COP1: variants seen among roughly 807,000 people sequenced by gnomAD.
The protein encoded by COP1 is COP1 E3 ubiquitin ligase, also known as E3 ubiquitin-protein ligase COP1.
A neutral mutation model predicts 101.3 loss-of-function variants in COP1; 24 were observed. That is an observed-to-expected ratio of 0.24 (90% CI 0.17 to 0.33). The LOEUF is 0.33. Among genes scored for constraint, COP1 ranks in the 10% least tolerant of loss-of-function variants. The pLI, the probability that COP1 is intolerant of heterozygous loss-of-function variation, is 1.00. For synonymous variants in COP1, 347 were observed against 341.9 expected, an observed-to-expected ratio of 1.01 and a Z score of -0.17; for missense variants, 663 against 906.2, an observed-to-expected ratio of 0.73 and a Z score of 3.45.
At chr1:176,185,806 G>C (rs999581658) in intron 1 of COP1, among the ~76,000 whole-genome samples, 3 of 152,102 alleles carry the variant, frequency 2.0e-5, no homozygotes, top group Admixed American at 6.6e-5. Flanking sequence ...ATCTTGACTT[G>C]CTTAAGTCAA....
intron 8 of COP1, among the ~76,000 whole-genome samples, chr1:176,129,070 T>G (rs1688493223): frequency 6.6e-6 from 1 of 151,954 alleles, no homozygotes; most frequent in Admixed American, 6.6e-5. Flanking sequence ...TTTCTTAATA[T>G]AGTCCAGAAG....
intron 3 of COP1, among the ~76,000 whole-genome samples, chr1:176,174,591 GA>G: frequency 6.6e-6 from 1 of 152,132 alleles, no homozygotes; most frequent in Non-Finnish European, 1.5e-5. Context: ...GAGTAACAGA[GA>G]AAAAACTATT....
chr1:176,138,724 C>G (rs1416905452), intron 6 of COP1, among the ~76,000 whole-genome samples: 1 of 152,022 alleles, frequency 6.6e-6, no homozygotes, highest in Non-Finnish European at 1.5e-5. Flanking sequence ...ACATAAAAAC[C>G]ACTCTGTCTA....
intron 18 of COP1, among the ~76,000 whole-genome samples, chr1:175,981,859 C>G (rs906901429): frequency 6.6e-6 from 1 of 151,938 alleles, no homozygotes; most frequent in Non-Finnish European, 1.5e-5. Flanking sequence ...AAAAGACATA[C>G]AAATAACAAA....
At chr1:176,164,889 A>T (rs1694860945) in intron 3 of COP1, among the ~76,000 whole-genome samples, 1 of 152,220 alleles carries the variant, frequency 6.6e-6, no homozygotes, top group Non-Finnish European at 1.5e-5. Flanking sequence ...GGCACTTTAT[A>T]GACAATATCT....
chr1:176,158,739 A>T (rs778503396), intron 5 of COP1, among the ~76,000 whole-genome samples: 3 of 139,308 alleles, frequency 2.2e-5, no homozygotes, highest in Non-Finnish European at 4.5e-5. Flanking sequence ...TCCTGGGTTC[A>T]GGCAATCCTC....
In COP1 at chr1:175,950,214, T is replaced by TA. The variant is rs55821760; in HGVS notation, c.2134-2976dup. 1.7e-3 allele frequency among the ~76,000 whole-genome samples: 245 copies of TA among 144,994 alleles called. 1 individual carries two copies. Among genetic ancestry groups the TA allele is most frequent in the South Asian group, 0.014 (63 of 4,544 alleles). On this transcript the variant is annotated intron_variant, in intron 18 of 19. Coordinates refer to ENST00000367669, the MANE Select transcript of COP1 (RefSeq NM_022457.7). ...AGAAACAGATAAATACTTTATGTGT[T>TA]AAAAAAAAAAAAAGTCAACATACGA...
intron 15 of COP1, among the ~76,000 whole-genome samples, chr1:176,023,616 G>A (rs1430491538): frequency 6.6e-6 from 1 of 151,598 alleles, no homozygotes; most frequent in African/African-American, 2.4e-5. Flanking sequence ...TACTTGGGAG[G>A]CTGAGGCAGG....
chr1:176,205,202 T>C (rs1252957920), intron 1 of COP1, among the ~76,000 whole-genome samples: 1 of 152,116 alleles, frequency 6.6e-6, no homozygotes, highest in Non-Finnish European at 1.5e-5. Flanking sequence ...CACTTTGTTT[T>C]ATTAGCTTAT....
At chr1:176,184,571 C>T in intron 2 of COP1, 62 bp downstream of exon 2, 1 of 1,310,550 alleles carries the variant, frequency 7.6e-7, no homozygotes, top group South Asian at 1.3e-5. Flanking sequence ...TTCTCATTGG[C>T]TACATTTACA....
At chr1:176,043,870 G>T (rs374086825) in intron 12 of COP1, 52 bp from the exon 13 acceptor site, 388 of 1,033,006 alleles carry the variant, frequency 3.8e-4, no homozygotes, top group Non-Finnish European at 5.5e-4. Context: ...ATAACAATGG[G>T]ATAAAAATAA....
At chr1:175,980,352 A>G (rs1384612987) in intron 18 of COP1, among the ~76,000 whole-genome samples, 1 of 122,898 alleles carries the variant, frequency 8.1e-6, no homozygotes, top group Non-Finnish European at 1.9e-5. Context: ...AACTTAGGTA[A>G]GCAAAACATC....
intron 15 of COP1, among the ~76,000 whole-genome samples, chr1:176,024,391 T>C (rs1417828313): frequency 1.3e-5 from 2 of 152,036 alleles, no homozygotes; most frequent in African/African-American, 4.8e-5. Context: ...AACCTCACAA[T>C]CAACCTCAAC....
intron 14 of COP1, among the ~76,000 whole-genome samples, chr1:176,032,666 T>C (rs1283186603): frequency 1.3e-5 from 2 of 152,060 alleles, no homozygotes; most frequent in African/African-American, 4.8e-5. Context: ...ACAACGCAGA[T>C]GTTTCTCCCA....
intron 11 of COP1, among the ~76,000 whole-genome samples, chr1:176,050,689 C>G (rs1672392264): frequency 6.6e-6 from 1 of 152,202 alleles, no homozygotes; most frequent in Non-Finnish European, 1.5e-5. Context: ...CAACTTTCTT[C>G]CAATCAATAC....
rs1215095757 is a variant in COP1, at chr1:176,207,157, G to C, written c.-179C>G. On this transcript the variant is annotated 5_prime_UTR_variant, in exon 1 of 20. Coordinates refer to ENST00000367669, the MANE Select transcript of COP1 (RefSeq NM_022457.7). ...AGGCAGCCACACAACAGCGTCCCACGGGAGGGGGCGGAGGAAACTAAAAAA... is the reference window on the plus strand; with the variant it reads ...AGGCAGCCACACAACAGCGTCCCACCGGAGGGGGCGGAGGAAACTAAAAAA... 2.2e-6 allele frequency: 1 copy of C among 452,256 alleles called. No homozygotes were observed. The allele number at this position is 452,256 out of a possible 1,614,324, so 28.0% of individuals were successfully genotyped here.
chr1:176,138,111 CAG>C (rs1452849816), intron 6 of COP1, among the ~76,000 whole-genome samples: 10 of 152,036 alleles, frequency 6.6e-5, no homozygotes, highest in Non-Finnish European at 1.3e-4. Context: ...AAAAGACTAA[CAG>C]AATTCTGCCA....
At chr1:176,000,058 T>G (rs935682402) in intron 15 of COP1, among the ~76,000 whole-genome samples, 1 of 152,126 alleles carries the variant, frequency 6.6e-6, no homozygotes, top group African/African-American at 2.4e-5. Context: ...ATTCTGTGGG[T>G]TGTCTCTGCA....
chr1:176,133,986 C>T (rs996744862), intron 8 of COP1: 5 of 415,134 alleles, frequency 1.2e-5, no homozygotes, highest in East Asian at 1.4e-4. Flanking sequence ...CTGAATTACA[C>T]AGCTAAAATA....
Sources: allele counts gnomAD v4.1 joint callset (sites outside exome capture counted in the v4.1 genomes callset), GRCh38; gene constraint gnomAD v4.1.1; transcripts MANE v1.5; gene names NCBI Gene and HGNC (gene_info 2026-07-23, HGNC 2026-07-21).